KHDRBS2: variants seen among roughly 807,000 people sequenced by gnomAD.
KHDRBS2 encodes the protein KH domain-containing, RNA-binding, signal transduction-associated protein 2.
A neutral mutation model predicts 44.3 loss-of-function variants in KHDRBS2; 26 were observed. The observed-to-expected ratio is 0.59, with a 90% CI of 0.43 to 0.81. The LOEUF is 0.81. Among genes scored for constraint, KHDRBS2 ranks in the 40% least tolerant of loss-of-function variants. The pLI is 0.00. For missense variants in KHDRBS2, 476 were observed against 433.1 expected (o/e 1.10, Z -0.88); for synonymous variants, 194 against 151.1 (o/e 1.28, Z -2.08).
At chr6:61,764,173 T>C (rs1255972480) in intron 6 of KHDRBS2, among the ~76,000 whole-genome samples, 1 of 152,222 alleles carries the variant, frequency 6.6e-6, no homozygotes, top group African/African-American at 2.4e-5. Context: ...CATTCCTTTT[T>C]AGGAGTGCAT....
In KHDRBS2 at chr6:62,191,099, C is replaced by A. The variant is rs1342992125; in HGVS notation, c.92-13787G>T. Among the ~76,000 whole-genome samples, 2 of 152,134 alleles carry A rather than the reference C, an allele frequency of 1.3e-5. 1 individual carries two copies. The highest frequency in any genetic ancestry group is 4.1e-4 in the South Asian group (2 of 4,834). ...GTATGGTATCTGAACTGTGTTTATT[C>A]CCTGGCTGTACTAAGCATTCAAATC... On this transcript the variant is annotated intron_variant, in intron 1 of 8. Transcript: ENST00000281156.
At chr6:62,031,619 C>G (rs575991635) in intron 3 of KHDRBS2, among the ~76,000 whole-genome samples, 1 of 152,206 alleles carries the variant, frequency 6.6e-6, no homozygotes, top group African/African-American at 2.4e-5. Context: ...ACACCATGAG[C>G]CAGTGGTGGC....
In KHDRBS2 at chr6:61,994,148, T is replaced by C. The variant is rs1776734008; in HGVS notation, c.337-15936A>G. Among the ~76,000 whole-genome samples the C allele has an allele frequency of 2.6e-5, 4 of 152,122 alleles. No homozygotes were observed. In the South Asian group the frequency reaches 8.3e-4, roughly 32 times the overall value. ...AGCTAAATTTAAGGTGCCAAATAAA[T>C]TACAATTTTCCTAATCTCAATGGTC... On this transcript the variant is annotated intron_variant, in intron 3 of 8. Coordinates refer to ENST00000281156, the MANE Select transcript of KHDRBS2 (RefSeq NM_152688.4).
At chr6:61,723,580 A>C (rs868214551) in intron 7 of KHDRBS2, among the ~76,000 whole-genome samples, 1 of 152,178 alleles carries the variant, frequency 6.6e-6, no homozygotes, top group Non-Finnish European at 1.5e-5. Context: ...CAAACAAAAA[A>C]ACAACAATAC....
the KHDRBS2 span, among the ~76,000 whole-genome samples, chr6:61,612,955 C>A: frequency 6.8e-6 from 1 of 147,906 alleles, no homozygotes; most frequent in African/African-American, 2.5e-5. Flanking sequence ...TGGGTTCACG[C>A]CATTTTCCTG....
At chr6:61,900,825 G>T (rs897634486) in intron 5 of KHDRBS2, among the ~76,000 whole-genome samples, 26 of 152,136 alleles carry the variant, frequency 1.7e-4, no homozygotes, top group African/African-American at 5.8e-4. Context: ...TCATACAAGG[G>T]TATCTTGGTT....
chr6:62,002,244 A>G (rs1778387748), intron 3 of KHDRBS2, among the ~76,000 whole-genome samples: 1 of 151,988 alleles, frequency 6.6e-6, no homozygotes, highest in Non-Finnish European at 1.5e-5. Flanking sequence ...AAAATTTCCT[A>G]TTACTAAGAA....
chr6:62,240,711 T>C (rs1487510420), intron 1 of KHDRBS2, among the ~76,000 whole-genome samples: 11 of 135,626 alleles, frequency 8.1e-5, no homozygotes, highest in African/African-American at 2.5e-4. Context: ...TATATATATA[T>C]ATATATAAAC....
chr6:61,589,732 T>C, the KHDRBS2 span, among the ~76,000 whole-genome samples: 2 of 152,174 alleles, frequency 1.3e-5, no homozygotes, highest in Non-Finnish European at 2.9e-5. Flanking sequence ...TATTTGGTAA[T>C]AGAGGAAGAG....
chr6:61,827,739 A>G (rs191944280), intron 6 of KHDRBS2, among the ~76,000 whole-genome samples: 38 of 152,186 alleles, frequency 2.5e-4, no homozygotes, highest in African/African-American at 8.7e-4. Flanking sequence ...TGCAGATAAT[A>G]CCCTCTTGCC....
At chr6:62,199,039 C>A (rs979121437) in intron 1 of KHDRBS2, among the ~76,000 whole-genome samples, 2 of 152,086 alleles carry the variant, frequency 1.3e-5, no homozygotes, top group Admixed American at 6.5e-5. Context: ...ATTCAACAGC[C>A]CTTCATGCTA....
chr6:61,972,452 C>G (rs1192441), intron 4 of KHDRBS2, among the ~76,000 whole-genome samples: 151,864 of 152,280 alleles, frequency 1, 75,725 homozygotes, highest in East Asian at 1. Context: ...TTCTGAGCAA[C>G]TAATAATTAC....
In KHDRBS2 at chr6:62,119,363, A is replaced by AG. The variant is rs147819213; in HGVS notation, c.219+57821dup. ...GGTTGCTCTTAAGTTCGCTGGACAA[A>AG]GTGATGGAAGAACTCAGGGATTCTA... On this transcript the variant is annotated intron_variant, in intron 2 of 8. Coordinates refer to ENST00000281156, the MANE Select transcript of KHDRBS2 (RefSeq NM_152688.4). Among the ~76,000 whole-genome samples the AG allele has an allele frequency of 2.9e-4, 44 of 152,312 alleles. No homozygotes were observed. The East Asian group carries it at 7.5e-3, about 26-fold the overall frequency.
chr6:62,284,368 AT>A (rs1842190167), intron 1 of KHDRBS2, among the ~76,000 whole-genome samples: 1 of 152,150 alleles, frequency 6.6e-6, no homozygotes, highest in Non-Finnish European at 1.5e-5. Context: ...TGGAAAATAT[AT>A]TGAAGACTAT....
chr6:61,922,394 T>C (rs1181592981), intron 4 of KHDRBS2, among the ~76,000 whole-genome samples: 2 of 152,052 alleles, frequency 1.3e-5, no homozygotes. Flanking sequence ...GTAGAGACAC[T>C]GTTGACCGTC....
the KHDRBS2 span, among the ~76,000 whole-genome samples, chr6:61,555,000 C>T: frequency 2.0e-5 from 3 of 151,992 alleles, no homozygotes; most frequent in African/African-American, 7.2e-5. Flanking sequence ...AGGTGGTCTT[C>T]TTGTTTCACA....
chr6:61,743,954 T>C (rs1776520114), intron 6 of KHDRBS2, among the ~76,000 whole-genome samples: 1 of 152,056 alleles, frequency 6.6e-6, no homozygotes. Context: ...ACAAAGGACA[T>C]GAACTCACCA....
chr6:62,159,620 C>T (rs1817201260), intron 2 of KHDRBS2, among the ~76,000 whole-genome samples: 1 of 152,068 alleles, frequency 6.6e-6, no homozygotes, highest in Non-Finnish European at 1.5e-5. Flanking sequence ...AGTTGAAAAT[C>T]CACATATAAC....
intron 6 of KHDRBS2, among the ~76,000 whole-genome samples, chr6:61,745,148 C>A (rs1248419176): frequency 6.6e-6 from 1 of 152,052 alleles, no homozygotes; most frequent in Non-Finnish European, 1.5e-5. Context: ...AAAAATAATA[C>A]AACTTGGCGC....
Sources: gnomAD v4.1 joint callset for allele counts (sites outside exome capture counted in the v4.1 genomes callset) on GRCh38, gnomAD v4.1.1 for gene constraint, MANE v1.5 for transcripts, NCBI Gene and HGNC (gene_info 2026-07-23, HGNC 2026-07-21) for gene names.